Variants in PRDM16 observed in about 807,000 individuals in gnomAD.
PRDM16 encodes the protein histone-lysine N-methyltransferase PRDM16.
In PRDM16, 23 loss-of-function variants were observed where a neutral mutation model predicts 110.6. The observed-to-expected ratio is 0.21, with a 90% CI of 0.15 to 0.29. The LOEUF is 0.29. Ranked by LOEUF, PRDM16 falls within the 10% of genes least tolerant of loss-of-function variation. The pLI, the probability that PRDM16 is intolerant of heterozygous loss-of-function variation, is 1.00. For synonymous variants in PRDM16, 799 were observed against 781.8 expected (o/e 1.02, Z -0.37); for missense variants, 1,615 against 1,794.3 (o/e 0.90, Z 1.81).
At chr1:3,231,732 C>A (rs1352405151) in intron 2 of PRDM16, among the ~76,000 whole-genome samples, 1 of 152,246 alleles carries the variant, frequency 6.6e-6, no homozygotes, top group Non-Finnish European at 1.5e-5. Flanking sequence ...CTGGGCAGTC[C>A]CTGGACTTGG....
intron 1 of PRDM16, among the ~76,000 whole-genome samples, chr1:3,098,114 G>T (rs1288775729): frequency 6.6e-6 from 1 of 152,178 alleles, no homozygotes; most frequent in Non-Finnish European, 1.5e-5. Flanking sequence ...CCTCCTGTCA[G>T]TGTGCTGGGG....
intron 1 of PRDM16, among the ~76,000 whole-genome samples, chr1:3,073,797 A>G (rs1478897733): frequency 6.6e-6 from 1 of 152,142 alleles, no homozygotes; most frequent in Non-Finnish European, 1.5e-5. Flanking sequence ...ACCCTGGCCC[A>G]GCGGGAGCGG....
chr1:3,187,226 A>G (rs1644280549), intron 2 of PRDM16, among the ~76,000 whole-genome samples: 1 of 152,084 alleles, frequency 6.6e-6, no homozygotes, highest in Admixed American at 6.5e-5. Context: ...CCCCCCCACA[A>G]AAAGTGCACT....
chr1:3,341,558 C>T lies in PRDM16; in HGVS notation c.439-43594C>T, dbSNP rs182756595. ...GAAGAAACCAGGATGTCAGAACACA[C>T]ACACACACGCGTGCGCACACACACA... On this transcript the variant is annotated intron_variant, in intron 3 of 16. Coordinates refer to ENST00000270722, the MANE Select transcript of PRDM16 (RefSeq NM_022114.4). Among the ~76,000 whole-genome samples the T allele has an allele frequency of 3.2e-3, 482 of 152,362 alleles. 5 individuals carry two copies. The highest frequency in any genetic ancestry group is 8.8e-4 in the Non-Finnish European group (60 of 68,034).
At chr1:3,348,609 C>T (rs1185831895) in intron 3 of PRDM16, among the ~76,000 whole-genome samples, 1 of 152,250 alleles carries the variant, frequency 6.6e-6, no homozygotes, top group African/African-American at 2.4e-5. Flanking sequence ...AGGAGGGGGG[C>T]TTCCCCGGAG....
intron 2 of PRDM16, among the ~76,000 whole-genome samples, chr1:3,229,549 C>T (rs1328077720): frequency 6.6e-6 from 1 of 152,226 alleles, no homozygotes; most frequent in Non-Finnish European, 1.5e-5. Flanking sequence ...CTGTCAGGGC[C>T]TCCAAGCCAC....
chr1:3,405,318 G>T (rs1157180541), intron 7 of PRDM16, among the ~76,000 whole-genome samples, 177 bp from the exon 8 acceptor site: 1 of 152,200 alleles, frequency 6.6e-6, no homozygotes, highest in Non-Finnish European at 1.5e-5. Context: ...CTCACTTAAG[G>T]CCCTGCAGCG....
chr1:3,074,404 G>GT (rs1462087763), intron 1 of PRDM16, among the ~76,000 whole-genome samples: 1 of 152,038 alleles, frequency 6.6e-6, no homozygotes, highest in Non-Finnish European at 1.5e-5. Flanking sequence ...ATTCCATAGG[G>GT]TTTTTTCTGT....
chr1:3,076,248 G>A (rs917303912), intron 1 of PRDM16, among the ~76,000 whole-genome samples: 3 of 152,184 alleles, frequency 2.0e-5, no homozygotes, highest in Admixed American at 6.5e-5. Flanking sequence ...TGCGATCCAC[G>A]TCTTTGCCGC....
intron 1 of PRDM16, among the ~76,000 whole-genome samples, chr1:3,131,691 G>A (rs1201724191): frequency 6.6e-6 from 1 of 152,228 alleles, no homozygotes; most frequent in Non-Finnish European, 1.5e-5. Flanking sequence ...CCGCTGCATG[G>A]TGATAAGCTG....
chr1:3,243,808 G>A lies in PRDM16; in HGVS notation c.388-279G>A, dbSNP rs911574143. On this transcript the variant is annotated intron_variant, in intron 2 of 16. Transcript: ENST00000270722. This position sits in a 1 kb window ranked among gnomAD's most constrained non-coding sequence, Gnocchi z 5.5. ...TCCCCACCCAACCACTAAAGGGCCA[G>A]AGTGAGCTACACAGTGTGTCTCCAT... is the stretch of plus-strand genomic sequence containing the variant. 6.6e-6 allele frequency among the ~76,000 whole-genome samples: 1 copy of A among 152,184 alleles called. No individual in the cohort carries two copies. Among genetic ancestry groups the A allele is most frequent in the Non-Finnish European group, 1.5e-5 (1 of 68,026 alleles).
intron 3 of PRDM16, among the ~76,000 whole-genome samples, chr1:3,313,540 G>A (rs1408821022): frequency 1.3e-5 from 2 of 152,240 alleles, no homozygotes; most frequent in African/African-American, 2.4e-5. Context: ...AGATGTGAAT[G>A]GAAACTTGTA....
intron 3 of PRDM16, among the ~76,000 whole-genome samples, chr1:3,322,133 T>C (rs573378630): frequency 6.0e-5 from 9 of 150,298 alleles, no homozygotes; most frequent in African/African-American, 1.7e-4. Context: ...AATGTGTGGG[T>C]GAACATGTTT....
chr1:3,411,320 C>A, intron 8 of PRDM16, 64 bp from the exon 9 acceptor site: 1 of 1,520,714 alleles, frequency 6.6e-7, no homozygotes. Flanking sequence ...TTTCATGTGG[C>A]GTTTTCAGCA....
At chr1:3,204,568 T>C (rs1318028116) in intron 2 of PRDM16, among the ~76,000 whole-genome samples, 2 of 152,170 alleles carry the variant, frequency 1.3e-5, no homozygotes, top group South Asian at 2.1e-4. Context: ...TCTGAACCAG[T>C]GTGTGGGTGA....
At chr1:3,249,680 T>C (rs1439829640) in intron 3 of PRDM16, among the ~76,000 whole-genome samples, 1 of 152,220 alleles carries the variant, frequency 6.6e-6, no homozygotes, top group African/African-American at 2.4e-5. Flanking sequence ...CAGCCCCGAG[T>C]TGATTTTGAT....
chr1:3,225,843 C>T (rs547610365), intron 2 of PRDM16, among the ~76,000 whole-genome samples: 7 of 152,308 alleles, frequency 4.6e-5, no homozygotes, highest in African/African-American at 1.4e-4. Context: ...GGGACGGAGC[C>T]GCCGGGGCAG....
intron 5 of PRDM16, among the ~76,000 whole-genome samples, chr1:3,402,150 G>A (rs5024246): frequency 0.3 from 45,575 of 152,106 alleles, 7,293 homozygotes; most frequent in Non-Finnish European, 0.35. Context: ...AAAGAGCTCA[G>A]TGCCAGCGTT....
chr1:3,070,836 G>A (rs1360106862), intron 1 of PRDM16, among the ~76,000 whole-genome samples: 3 of 152,204 alleles, frequency 2.0e-5, no homozygotes, highest in Non-Finnish European at 4.4e-5. Flanking sequence ...ACGCTCCTGC[G>A]CCCCGCCATC....
Sources: allele counts gnomAD v4.1 joint callset (sites outside exome capture counted in the v4.1 genomes callset), GRCh38; gene constraint gnomAD v4.1.1; non-coding constraint Gnocchi (gnomAD v3.1); transcripts MANE v1.5; gene names NCBI Gene and HGNC (gene_info 2026-07-23, HGNC 2026-07-21).